Variants in B3GALT1 observed in about 807,000 individuals in gnomAD.
B3GALT1 encodes UDP-Gal:betaGlcNAc beta 1,3-galactosyltransferase, polypeptide 1.
B3GALT1 carries 10 observed loss-of-function variants against 23.2 expected under a neutral mutation model. The observed-to-expected ratio is 0.43, with a 90% confidence interval of 0.27 to 0.73. The LOEUF (loss-of-function observed/expected upper bound fraction) is 0.73, where lower values mean the gene tolerates loss of function less well. Ranked by LOEUF, B3GALT1 falls within the 30% of genes least tolerant of loss-of-function variation. The pLI is 0.21. For missense variants in B3GALT1, 299 were observed against 405.4 expected (o/e 0.74, Z 2.25); for synonymous variants, 156 against 141.5 (o/e 1.10, Z -0.73).
chr2:167,434,418 A>G (rs975725981), intron 1 of B3GALT1, among the ~76,000 whole-genome samples: 4 of 151,536 alleles, frequency 2.6e-5, no homozygotes, highest in African/African-American at 7.3e-5. Flanking sequence ...TTTCATCTAT[A>G]TCTCTGCCCA....
chr2:167,556,126 A>G (rs1296436121), intron 2 of B3GALT1, among the ~76,000 whole-genome samples: 1 of 152,156 alleles, frequency 6.6e-6, no homozygotes, highest in African/African-American at 2.4e-5. Flanking sequence ...CACATTTTCA[A>G]TGGTAATCAG....
At chr2:167,408,679 C>T (rs1347547689) in intron 1 of B3GALT1, among the ~76,000 whole-genome samples, 1 of 151,652 alleles carries the variant, frequency 6.6e-6, no homozygotes, top group Non-Finnish European at 1.5e-5. Flanking sequence ...ATCAGTAACA[C>T]TTATATATGG....
chr2:167,475,851 C>A (rs1699477729), intron 1 of B3GALT1, among the ~76,000 whole-genome samples: 2 of 152,078 alleles, frequency 1.3e-5, no homozygotes, highest in Admixed American at 1.3e-4. Context: ...GAATATGTTC[C>A]AGGCCTCTCT....
intron 1 of B3GALT1, among the ~76,000 whole-genome samples, chr2:167,460,188 A>C (rs1699236037): frequency 6.6e-6 from 1 of 152,116 alleles, no homozygotes; most frequent in Non-Finnish European, 1.5e-5. Context: ...TATTTCTTTG[A>C]ATATTCTCCC....
chr2:167,773,940 T>C (rs1488775188), intron 3 of B3GALT1, among the ~76,000 whole-genome samples: 3 of 152,242 alleles, frequency 2.0e-5, no homozygotes, highest in South Asian at 2.1e-4. Context: ...AGTGAGCTAA[T>C]TGAAAGGTTA....
intron 1 of B3GALT1, among the ~76,000 whole-genome samples, chr2:167,447,584 T>G (rs2105317762): frequency 6.6e-6 from 1 of 152,208 alleles, no homozygotes; most frequent in Middle Eastern, 3.4e-3. Flanking sequence ...CCCCAGCCTC[T>G]CTGCCCCCTT....
intron 1 of B3GALT1, among the ~76,000 whole-genome samples, chr2:167,448,506 G>C (rs1699038588): frequency 6.6e-6 from 1 of 152,052 alleles, no homozygotes; most frequent in African/African-American, 2.4e-5. Flanking sequence ...GTAGATTCTG[G>C]ATACCCGTCC....
intron 1 of B3GALT1, among the ~76,000 whole-genome samples, chr2:167,379,301 C>T (rs1697808934): frequency 6.6e-6 from 1 of 152,080 alleles, no homozygotes; most frequent in Non-Finnish European, 1.5e-5. Context: ...CCTGATCTCT[C>T]CCTTGACATG....
chr2:167,390,362 A>C (rs950658590), intron 1 of B3GALT1, among the ~76,000 whole-genome samples: 2 of 152,120 alleles, frequency 1.3e-5, no homozygotes, highest in African/African-American at 4.8e-5. Context: ...CTGCCAAAAG[A>C]ATTTACTTTT....
chr2:167,781,994 C>T (rs959564975), intron 3 of B3GALT1, among the ~76,000 whole-genome samples: 3 of 152,166 alleles, frequency 2.0e-5, no homozygotes, highest in Non-Finnish European at 2.9e-5. Context: ...CTGCCCGCCT[C>T]GCCCTCCCAA....
intron 1 of B3GALT1, among the ~76,000 whole-genome samples, chr2:167,417,482 T>A (rs1175376967): frequency 2.0e-5 from 3 of 152,188 alleles, no homozygotes; most frequent in Non-Finnish European, 4.4e-5. Context: ...TTTTCCTAAT[T>A]ACTCCTTTTT....
intron 2 of B3GALT1, among the ~76,000 whole-genome samples, chr2:167,593,435 T>C (rs1227696639): frequency 6.6e-6 from 1 of 152,180 alleles, no homozygotes. Context: ...CAGTGCAAAG[T>C]TTGTGTGTTA....
intron 2 of B3GALT1, among the ~76,000 whole-genome samples, chr2:167,636,380 G>A (rs1208221987): frequency 6.6e-6 from 1 of 151,954 alleles, no homozygotes; most frequent in Non-Finnish European, 1.5e-5. Context: ...CTTCTACACT[G>A]TTGGTAGGAG....
chr2:167,322,924 T>C lies in B3GALT1; in HGVS notation c.-511+29590T>C, dbSNP rs1402917254. Reference sequence around the variant, plus strand: ...TGGCAGTTCTTTTTGATATTTGGACTGTGTTATTTTTCCTCATAATTGAAA... The same window carrying C: ...TGGCAGTTCTTTTTGATATTTGGACCGTGTTATTTTTCCTCATAATTGAAA... On this transcript the variant is annotated intron_variant, in intron 1 of 4. Transcript: ENST00000392690. Among the ~76,000 whole-genome samples the C allele has an allele frequency of 3.3e-5, 5 of 152,102 alleles. No homozygotes were observed. The South Asian group carries it at 1.0e-3, about 31-fold the overall frequency.
At chr2:167,457,808 G>T (rs1298498470) in intron 1 of B3GALT1, among the ~76,000 whole-genome samples, 1 of 152,044 alleles carries the variant, frequency 6.6e-6, no homozygotes, top group African/African-American at 2.4e-5. Context: ...CAGCACCTGA[G>T]AATTTATTAG....
At chr2:167,564,943 G>T (rs936599101) in intron 2 of B3GALT1, among the ~76,000 whole-genome samples, 1 of 152,122 alleles carries the variant, frequency 6.6e-6, no homozygotes, top group Non-Finnish European at 1.5e-5. Context: ...AAGGTAATTT[G>T]TAGATTCCAT....
chr2:167,422,244 C>T (rs1698559250), intron 1 of B3GALT1, among the ~76,000 whole-genome samples: 1 of 151,362 alleles, frequency 6.6e-6, no homozygotes, highest in African/African-American at 2.4e-5. Flanking sequence ...CCGTCTCCCT[C>T]TCTCTGCCTC....
chr2:167,818,757 TAAG>T lies in B3GALT1; in HGVS notation c.-259_-257del, dbSNP rs1279562521. Among the ~76,000 whole-genome samples the T allele has an allele frequency of 6.6e-6, 1 of 152,106 alleles. No homozygotes were observed. Among genetic ancestry groups the T allele is most frequent in the Non-Finnish European group, 1.5e-5 (1 of 68,012 alleles). On this transcript the variant is annotated 5_prime_UTR_variant, in exon 4 of 5. Transcript: ENST00000392690. Reference sequence around the variant, plus strand: ...CATGCTTGATTTCCTGAACTTGTAGTAAGAAGAAGGAAAACACAGCACGCTGGA... The same window carrying T: ...CATGCTTGATTTCCTGAACTTGTAGTAAGAAGGAAAACACAGCACGCTGGA...
At chr2:167,353,228 G>A (rs1404406500) in intron 1 of B3GALT1, among the ~76,000 whole-genome samples, 1 of 152,118 alleles carries the variant, frequency 6.6e-6, no homozygotes, top group Non-Finnish European at 1.5e-5. Flanking sequence ...CAGGATAATT[G>A]GGACACAGTT....
Sources: gnomAD v4.1 joint callset for allele counts (sites outside exome capture counted in the v4.1 genomes callset) on GRCh38, gnomAD v4.1.1 for gene constraint, MANE v1.5 for transcripts, NCBI Gene and HGNC (gene_info 2026-07-23, HGNC 2026-07-21) for gene names.